Variants in PDXDC1 observed in about 807,000 individuals in gnomAD.
The protein encoded by PDXDC1 is pyridoxal dependent decarboxylase domain containing 1, also known as pyridoxal-dependent decarboxylase domain-containing protein 1.
Under a neutral mutation model 100.1 loss-of-function variants are expected in PDXDC1, and 42 were observed. The ratio of observed to expected loss-of-function variants is 0.42; its 90% CI spans 0.33 to 0.54. The LOEUF (loss-of-function observed/expected upper bound fraction) is 0.54. Among genes scored for constraint, PDXDC1 ranks in the 20% least tolerant of loss-of-function variants. PDXDC1 has a pLI of 0.10. For synonymous variants in PDXDC1, 260 were observed against 371.7 expected, an observed-to-expected ratio of 0.70 and a Z score of 3.46; for missense variants, 636 against 979.2, an observed-to-expected ratio of 0.65 and a Z score of 4.68.
At chr16:15,142,328 G>A (rs889963922), downstream of PDXDC1, among the ~76,000 whole-genome samples, 4 of 151,808 alleles carry the variant, frequency 2.6e-5, no homozygotes, top group African/African-American at 7.3e-5. Context: ...GCCTGTCACC[G>A]GTTCTGGCCA....
intron 1 of PDXDC1, chr16:14,989,964 A>G (rs1970361839): frequency 6.8e-7 from 1 of 1,460,868 alleles, no homozygotes; most frequent in Non-Finnish European, 9.0e-7. Flanking sequence ...GGCCGCCTCC[A>G]GGCAGGCAGA....
At chr16:15,070,293 T>C in intron 16 of PDXDC1, 1 of 1,606,156 alleles carries the variant, frequency 6.2e-7, no homozygotes, top group Non-Finnish European at 8.5e-7. Context: ...TTACACATCA[T>C]AAAAAAACCA....
chr16:15,073,566 G>C (rs1242656179), intron 16 of PDXDC1, among the ~76,000 whole-genome samples: 1 of 152,124 alleles, frequency 6.6e-6, no homozygotes, highest in Non-Finnish European at 1.5e-5. Flanking sequence ...CACCTGCAAG[G>C]AAGCAGGCCC....
At chr16:15,035,840 T>C (rs550981953) in intron 22 of PDXDC1, among the ~76,000 whole-genome samples, 176 bp from the exon 23 acceptor site, 1 of 152,156 alleles carries the variant, frequency 6.6e-6, no homozygotes, top group South Asian at 2.1e-4. Context: ...CTGGGGAGCA[T>C]GTTGGTGTCA....
At chr16:15,034,414 G>T in intron 20 of PDXDC1, 36 bp downstream of exon 20, 1 of 1,613,054 alleles carries the variant, frequency 6.2e-7, no homozygotes, top group Admixed American at 1.7e-5. Context: ...TGGGGGAGCC[G>T]CCGTGAGGCC....
chr16:14,986,818 C>G (rs547858713), intron 1 of PDXDC1, among the ~76,000 whole-genome samples: 86 of 152,372 alleles, frequency 5.6e-4, no homozygotes, highest in African/African-American at 1.9e-3. Context: ...GCGTTCTTGG[C>G]TAACTGCAAG....
rs2043480186 is a variant in PDXDC1 at position 15,036,790 on chromosome 16, G to C, written c.*515G>C. The C allele has an allele frequency of 6.3e-6, 1 of 159,572 alleles. No homozygotes were observed. The highest frequency in any genetic ancestry group is 1.4e-5 in the Non-Finnish European group (1 of 72,092). The allele number at this position is 159,572 out of a possible 1,614,324, so 9.9% of individuals were successfully genotyped here. A position where few individuals can be genotyped will look rare whatever the true frequency, so the allele number is the denominator to read the frequency against. ...AGTGATTGTGGGATTGTAAATAAGA[G>C]CATCAGAAGCCCTCCCCAGCTACTG... is the stretch of plus-strand genomic sequence containing the variant. On this transcript the variant is annotated 3_prime_UTR_variant, in exon 23 of 23. Coordinates refer to ENST00000396410, the MANE Select transcript of PDXDC1 (RefSeq NM_015027.4).
At chr16:15,097,944 T>A (rs1216676026) in intron 16 of PDXDC1, among the ~76,000 whole-genome samples, 1 of 139,808 alleles carries the variant, frequency 7.2e-6, no homozygotes. Flanking sequence ...TATGCTTTTT[T>A]TTTTTTTTTT....
At chr16:15,129,214 A>C (rs2047923184) in intron 16 of PDXDC1, among the ~76,000 whole-genome samples, 1 of 151,780 alleles carries the variant, frequency 6.6e-6, no homozygotes, top group Non-Finnish European at 1.5e-5. Flanking sequence ...CACACCTGTC[A>C]TCCCAGCACT....
chr16:14,993,240 C>T (rs1971245586), intron 1 of PDXDC1, among the ~76,000 whole-genome samples: 1 of 152,218 alleles, frequency 6.6e-6, no homozygotes, highest in East Asian at 1.9e-4. Context: ...GTGCCGCACC[C>T]ATTAACTCTT....
In PDXDC1 at chr16:15,008,812, C is replaced by T. The variant is rs2151425730; in HGVS notation, c.613C>T (p.Pro205Ser). 6.2e-7 allele frequency: 1 copy of T among 1,613,888 alleles called. No homozygotes were observed. The highest frequency in any genetic ancestry group is 8.5e-7 in the Non-Finnish European group (1 of 1,179,862). The change falls in exon 7 of 23, where the codon CCC becomes TCC. Residue 205 changes from proline to serine, a missense_variant. By Grantham distance (74) the Pro-to-Ser change is moderately conservative. This residue lies in a region of PDXDC1 where 125 missense variants were observed against 479.9 expected (regional missense o/e 0.26). Transcript: ENST00000396410. ...GCCCTTCCCCTGCTTGTGCCGTGTA[C>T]CCTGTAACACTGTGTTTGGATCCCA... ...GLPFPCLCRVPCNTVFGSQHQ... is the reference protein window; with the variant it reads ...GLPFPCLCRVSCNTVFGSQHQ...
downstream of PDXDC1, chr16:15,040,200 TCCCCCTCCCTGGAGGGGGA>T (rs2043749231): frequency 2.1e-6 from 1 of 466,682 alleles, no homozygotes; most frequent in African/African-American, 2.0e-5. Context: ...TATCTGGACT[TCCCCCTCCCTGGAGGGGGA>T]AAATGCAACC....
At chr16:15,035,401 G>C in intron 21 of PDXDC1, 48 bp from the exon 22 acceptor site, 2 of 1,136,594 alleles carry the variant, frequency 1.8e-6, no homozygotes, top group Non-Finnish European at 2.5e-6. Flanking sequence ...GTGTCTTCAA[G>C]GGCAGCCTGT....
chr16:15,132,986 G>A (rs906927400), intron 16 of PDXDC1: 129 of 1,517,532 alleles, frequency 8.5e-5, no homozygotes, highest in Non-Finnish European at 1.1e-4. Flanking sequence ...TGTGTGATGT[G>A]GGCATTGACC....
intron 16 of PDXDC1, among the ~76,000 whole-genome samples, chr16:15,123,278 A>G (rs1296665635): frequency 6.6e-6 from 1 of 151,578 alleles, no homozygotes; most frequent in Admixed American, 6.6e-5. Context: ...TCCTCTCTGG[A>G]ACCTTCACAA....
At chr16:14,990,280 G>T (rs1402600262) in intron 1 of PDXDC1, 3 of 264,932 alleles carry the variant, frequency 1.1e-5, no homozygotes, top group African/African-American at 4.7e-5. Context: ...CCCGGCCCCC[G>T]CCGCAACCGC....
At position 15,133,336 on chromosome 16, in the gene PDXDC1, C is replaced by T. The variant is rs208663; in HGVS notation, c.1400-5543C>T. Reference sequence around the variant, plus strand: ...GGGGATCGGCCTGCCGCAGCAGCCCCGGGAGCACACTAGCGGTGAGCCCGT... The same window carrying T: ...GGGGATCGGCCTGCCGCAGCAGCCCTGGGAGCACACTAGCGGTGAGCCCGT... On this transcript the variant is annotated intron_variant, in intron 16 of 16. Coordinates refer to the PDXDC1 transcript ENST00000535621. The T allele has an allele frequency of 1.2e-4, 148 of 1,266,658 alleles. No individual in the cohort carries two copies. The Middle Eastern group carries it at 1.3e-3, about 11-fold the overall frequency. 78.5% of individuals were successfully genotyped at this position (1,266,658 alleles called of 1,614,324 possible).
At chr16:14,978,391 ATAT>A (rs1967181326) in intron 1 of PDXDC1, among the ~76,000 whole-genome samples, 1 of 152,292 alleles carries the variant, frequency 6.6e-6, no homozygotes, top group African/African-American at 2.4e-5. Flanking sequence ...AAAACCTGTT[ATAT>A]TATTATTATT....
chr16:15,054,002 T>A (rs1414771505), intron 16 of PDXDC1, among the ~76,000 whole-genome samples: 1 of 152,174 alleles, frequency 6.6e-6, no homozygotes, highest in Non-Finnish European at 1.5e-5. Context: ...TCTAAGCCCC[T>A]TGGTCATTTG....
Sources: gnomAD v4.1 joint callset for allele counts (sites outside exome capture counted in the v4.1 genomes callset) on GRCh38, gnomAD v4.1.1 for gene constraint, gnomAD v4.1.1 regional missense constraint, MANE v1.5 for transcripts, NCBI Gene and HGNC (gene_info 2026-07-23, HGNC 2026-07-21) for gene names.